The following SLC24A3 variants were observed in gnomAD, a reference collection of about 807,000 sequenced individuals.
SLC24A3 encodes the protein sodium/potassium/calcium exchanger 3.
SLC24A3 carries 28 observed loss-of-function variants against 75.8 expected under a neutral mutation model. The observed-to-expected ratio is 0.37, with a 90% confidence interval of 0.27 to 0.51. SLC24A3 has a LOEUF of 0.51. Ranked by LOEUF, SLC24A3 falls within the 20% of genes least tolerant of loss-of-function variation. The pLI is 0.94. For synonymous variants in SLC24A3, 372 were observed against 334.1 expected (o/e 1.11, Z -1.24); for missense variants, 663 against 847.8 (o/e 0.78, Z 2.71).
At chr20:19,255,655 G>C (rs1364904051) in intron 1 of SLC24A3, among the ~76,000 whole-genome samples, 1 of 152,216 alleles carries the variant, frequency 6.6e-6, no homozygotes, top group Non-Finnish European at 1.5e-5. Context: ...AGGTGGACTA[G>C]ATCTGTGCTG....
At chr20:19,541,397 G>A in intron 3 of SLC24A3, among the ~76,000 whole-genome samples, 1 of 152,176 alleles carries the variant, frequency 6.6e-6, no homozygotes, top group East Asian at 1.9e-4. Context: ...GAAAGCCCAT[G>A]TCCAGGAGCA....
Position 19,214,512 on chromosome 20 carries a change from G to A in SLC24A3, c.142+1528G>A, listed in dbSNP as rs1370791767. 2.0e-5 allele frequency among the ~76,000 whole-genome samples: 3 copies of A among 152,204 alleles called. No homozygotes were observed. The East Asian group carries it at 5.8e-4, about 29-fold the overall frequency. ...AAGGGCTATTCCTAGTGGATTACAC[G>A]CTGGCCATTTTTTTCTGGTATGTTG... is the stretch of plus-strand genomic sequence containing the variant. On this transcript the variant is annotated intron_variant, in intron 1 of 16. Transcript: ENST00000328041.
intron 6 of SLC24A3, among the ~76,000 whole-genome samples, chr20:19,600,315 A>C (rs2031512713): frequency 6.6e-6 from 1 of 152,206 alleles, no homozygotes; most frequent in Non-Finnish European, 1.5e-5. Context: ...AAGAGTCATC[A>C]TATTCATATG....
At chr20:19,635,808 A>T (rs2031993402) in intron 6 of SLC24A3, among the ~76,000 whole-genome samples, 1 of 152,094 alleles carries the variant, frequency 6.6e-6, no homozygotes, top group Admixed American at 6.5e-5. Flanking sequence ...GATTACTTTC[A>T]TGGCAGCTTA....
intron 1 of SLC24A3, among the ~76,000 whole-genome samples, chr20:19,233,332 T>TGGCAAGAACTTA (rs1982077587): frequency 6.6e-6 from 1 of 152,184 alleles, no homozygotes; most frequent in African/African-American, 2.4e-5. Flanking sequence ...TTGCCTAAGA[T>TGGCAAGAACTTA]GGCAAGAACA....
At chr20:19,562,094 T>C (rs542014596) in intron 3 of SLC24A3, among the ~76,000 whole-genome samples, 1 of 152,128 alleles carries the variant, frequency 6.6e-6, no homozygotes, top group African/African-American at 2.4e-5. Context: ...CTTTATATGA[T>C]CTCCTGGATT....
intron 2 of SLC24A3, among the ~76,000 whole-genome samples, chr20:19,488,077 G>T (rs959918545): frequency 6.6e-6 from 1 of 152,178 alleles, no homozygotes; most frequent in Non-Finnish European, 1.5e-5. Flanking sequence ...AGATTGATGG[G>T]GCTGGTCAAG....
chr20:19,235,305 G>A (rs1401615169), intron 1 of SLC24A3, among the ~76,000 whole-genome samples: 1 of 152,230 alleles, frequency 6.6e-6, no homozygotes, highest in Admixed American at 6.5e-5. Context: ...CAGAAGTAAG[G>A]TGAGGTAGGG....
At chr20:19,281,511 A>T (rs1034894279) in intron 2 of SLC24A3, among the ~76,000 whole-genome samples, 1 of 152,170 alleles carries the variant, frequency 6.6e-6, no homozygotes, top group Non-Finnish European at 1.5e-5. Context: ...ATCGTCACTC[A>T]CGATGTTGAA....
intron 2 of SLC24A3, among the ~76,000 whole-genome samples, chr20:19,487,661 A>G (rs976518026): frequency 2.6e-5 from 4 of 152,172 alleles, no homozygotes; most frequent in Admixed American, 6.5e-5. Context: ...AAGAAATTCC[A>G]TCTTGACTCA....
chr20:19,327,992 T>C lies in SLC24A3; in HGVS notation c.271+46905T>C, dbSNP rs937261056. 6.6e-5 allele frequency among the ~76,000 whole-genome samples: 10 copies of C among 151,178 alleles called. No homozygotes were observed. The South Asian group carries it at 1.9e-3, about 28-fold the overall frequency. On this transcript the variant is annotated intron_variant, in intron 2 of 16. Transcript: ENST00000328041. ...GCTCGAAAGTGATACAGAAAAAAAA[T>C]GAACAAGGTGAGAGGGATGACAAGT...
intron 2 of SLC24A3, among the ~76,000 whole-genome samples, chr20:19,473,775 G>A (rs921833673): frequency 5.3e-5 from 8 of 152,202 alleles, no homozygotes; most frequent in Non-Finnish European, 8.8e-5. Flanking sequence ...TCCAGTAAGC[G>A]CCCCTCCAAG....
At chr20:19,320,194 T>C (rs1444427220) in intron 2 of SLC24A3, among the ~76,000 whole-genome samples, 1 of 152,202 alleles carries the variant, frequency 6.6e-6, no homozygotes, top group Non-Finnish European at 1.5e-5. Flanking sequence ...TTGTTTTCTG[T>C]CGGGCGCCGA....
chr20:19,663,413 C>CTCCTCCACT (rs371126890), intron 7 of SLC24A3, among the ~76,000 whole-genome samples: 7 of 5,904 alleles, frequency 1.2e-3, no homozygotes, highest in Non-Finnish European at 2.0e-3. Context: ...CCTCCACCTC[C>CTCCTCCACT]TCCTCCTCCT....
intron 3 of SLC24A3, among the ~76,000 whole-genome samples, chr20:19,516,452 T>G (rs930260884): frequency 2.4e-4 from 36 of 152,190 alleles, no homozygotes; most frequent in Admixed American, 1.2e-3. Context: ...CTGGTCACCA[T>G]GTTGTTTTGT....
At chr20:19,221,700 C>T (rs1398614579) in intron 1 of SLC24A3, among the ~76,000 whole-genome samples, 1 of 152,182 alleles carries the variant, frequency 6.6e-6, no homozygotes, top group African/African-American at 2.4e-5. Context: ...AAATCTGCTG[C>T]TGTCTTGGTT....
At chr20:19,713,968 A>C (rs2033016552) in intron 15 of SLC24A3, among the ~76,000 whole-genome samples, 1 of 152,236 alleles carries the variant, frequency 6.6e-6, no homozygotes, top group South Asian at 2.1e-4. Flanking sequence ...ATTTTCTACA[A>C]GGGGCCAGAG....
At chr20:19,464,651 AC>A (rs1407597597) in intron 2 of SLC24A3, among the ~76,000 whole-genome samples, 1 of 152,222 alleles carries the variant, frequency 6.6e-6, no homozygotes, top group Non-Finnish European at 1.5e-5. Flanking sequence ...GAAATTAGCA[AC>A]AATCATAGCA....
chr20:19,276,331 G>T (rs1983485858), intron 1 of SLC24A3, among the ~76,000 whole-genome samples: 1 of 152,150 alleles, frequency 6.6e-6, no homozygotes, highest in Non-Finnish European at 1.5e-5. Context: ...CTTTCATGGG[G>T]GATGCTCGTC....
Sources: allele counts gnomAD v4.1 joint callset (sites outside exome capture counted in the v4.1 genomes callset), GRCh38; gene constraint gnomAD v4.1.1; transcripts MANE v1.5; gene names NCBI Gene and HGNC (gene_info 2026-07-23, HGNC 2026-07-21).